CDK13: variants seen among roughly 807,000 people sequenced by gnomAD.
The protein encoded by CDK13 is cyclin-dependent kinase 13.
Under a neutral mutation model 137.6 loss-of-function variants are expected in CDK13, and 40 were observed. The ratio of observed to expected loss-of-function variants is 0.29; its 90% confidence interval spans 0.23 to 0.38. CDK13 has a LOEUF of 0.38. CDK13 is among the 10% of genes least tolerant of loss of function. The pLI is 1.00. For missense variants in CDK13, 1,704 were observed against 1,951.8 expected, an observed-to-expected ratio of 0.87 and a Z score of 2.39; for synonymous variants, 869 against 760.1, an observed-to-expected ratio of 1.14 and a Z score of -2.36.
chr7:39,965,446 CTTTT>C (rs1355921739), intron 1 of CDK13, among the ~76,000 whole-genome samples: 1 of 152,024 alleles, frequency 6.6e-6, no homozygotes, highest in African/African-American at 2.4e-5. Context: ...CGACCACTGC[CTTTT>C]TTTGTTTTCC....
chr7:40,006,692 G>C (rs1784801934), intron 5 of CDK13, among the ~76,000 whole-genome samples: 1 of 152,174 alleles, frequency 6.6e-6, no homozygotes, highest in South Asian at 2.1e-4. Flanking sequence ...TGAGGCAGGA[G>C]AATCGCTTGA....
intron 1 of CDK13, among the ~76,000 whole-genome samples, chr7:39,975,112 C>G (rs990790171): frequency 6.6e-6 from 1 of 151,926 alleles, no homozygotes; most frequent in African/African-American, 2.4e-5. Flanking sequence ...GTCTTAAGCT[C>G]TGGTGTAAAA....
intron 1 of CDK13, among the ~76,000 whole-genome samples, chr7:39,957,778 A>C (rs1787465011): frequency 6.6e-6 from 1 of 152,206 alleles, no homozygotes; most frequent in Admixed American, 6.5e-5. Flanking sequence ...AAATTTTCTG[A>C]GCAGACATTA....
At chr7:40,014,155 G>A (rs984044796) in intron 5 of CDK13, among the ~76,000 whole-genome samples, 3 of 134,670 alleles carry the variant, frequency 2.2e-5, no homozygotes, top group Admixed American at 8.5e-5. Flanking sequence ...TGCAGTCTCC[G>A]ACTCCCGGGT....
At chr7:40,079,325 A>T (rs17496663) in intron 11 of CDK13, among the ~76,000 whole-genome samples, 4,543 of 152,208 alleles carry the variant, frequency 0.03, 210 homozygotes, top group African/African-American at 0.1. Flanking sequence ...AGGCTGAGGC[A>T]GGAGAATCGC....
intron 11 of CDK13, among the ~76,000 whole-genome samples, chr7:40,082,919 G>A (rs1319742736): frequency 4.6e-5 from 7 of 151,270 alleles, no homozygotes; most frequent in Admixed American, 4.6e-4. Flanking sequence ...TGGGCAACAT[G>A]GTAAAATCCT....
intron 12 of CDK13, among the ~76,000 whole-genome samples, chr7:40,090,200 G>C: frequency 6.6e-6 from 1 of 152,126 alleles, no homozygotes; most frequent in Non-Finnish European, 1.5e-5. Flanking sequence ...TCCTCTTCAT[G>C]GAACTGATGT....
intron 5 of CDK13, among the ~76,000 whole-genome samples, chr7:40,044,448 A>G (rs1785688159): frequency 6.6e-6 from 1 of 151,042 alleles, no homozygotes; most frequent in African/African-American, 2.4e-5. Flanking sequence ...TCCCCCGAGT[A>G]GCTGGGATTA....
intron 1 of CDK13, chr7:39,952,974 A>G (rs1316503983): frequency 1.3e-5 from 2 of 152,202 alleles, no homozygotes; most frequent in Admixed American, 1.3e-4. Flanking sequence ...CTTATAGTGT[A>G]GAGTATTGCA....
chr7:40,085,147 G>T (rs1786760345), intron 11 of CDK13, among the ~76,000 whole-genome samples: 1 of 152,122 alleles, frequency 6.6e-6, no homozygotes. Flanking sequence ...GATCACCTGA[G>T]GTCAGGAGTT....
chr7:39,954,760 C>G (rs926697473), intron 1 of CDK13, among the ~76,000 whole-genome samples: 15 of 152,068 alleles, frequency 9.9e-5, no homozygotes, highest in Non-Finnish European at 2.1e-4. Context: ...GTATTGAAAT[C>G]GTGGTATGAA....
At chr7:40,064,739 G>A (rs1487564215) in intron 9 of CDK13, among the ~76,000 whole-genome samples, 1 of 151,198 alleles carries the variant, frequency 6.6e-6, no homozygotes, top group Admixed American at 6.6e-5. Flanking sequence ...AAGAAGAAGG[G>A]AAGGGAAGGA....
intron 10 of CDK13, 107 bp downstream of exon 10, chr7:40,078,228 T>G: frequency 1.9e-6 from 1 of 530,066 alleles, no homozygotes; most frequent in Non-Finnish European, 3.3e-6. Context: ...AAACCTATAA[T>G]TCTTCTAGGG....
At position 39,951,137 on chromosome 7, in the gene CDK13, A is replaced by G. The variant is rs2116055834; in HGVS notation, c.496A>G (p.Thr166Ala). The G allele has an allele frequency of 8.1e-7, 1 of 1,242,190 alleles. No homozygotes were observed. Among genetic ancestry groups the G allele is most frequent in the East Asian group, 3.2e-5 (1 of 31,652 alleles). The allele number at this position is 1,242,190 out of a possible 1,614,324, so 76.9% of individuals were successfully genotyped here. A position where few individuals can be genotyped will look rare whatever the true frequency, so the allele number is the denominator to read the frequency against. Residue 166 changes from threonine to alanine, a missense_variant, in exon 1 of 14, where the codon ACG becomes GCG. Thr to Ala is a moderately conservative substitution (Grantham distance 58). This residue lies in a region of CDK13 where 1,051 missense variants were observed against 931.0 expected (regional missense o/e 1.13). Coordinates refer to ENST00000181839, the MANE Select transcript of CDK13 (RefSeq NM_003718.5). ...GCTGCTGGGGGGGGCCAGCGCGGCA[A>G]CGGCGGCGACGGCTGCCGGGGGAAC... ...GLLLGGASAA[T>A]AATAAGGTGG...
At chr7:39,983,765 G>A (rs17171639) in intron 1 of CDK13, among the ~76,000 whole-genome samples, 21,678 of 152,102 alleles carry the variant, frequency 0.14, 5,111 homozygotes, top group African/African-American at 0.49. Context: ...AAAATCTGAA[G>A]GGAGAGGAAA....
At chr7:40,082,486 CAAAAAA>C (rs70996879) in intron 11 of CDK13, among the ~76,000 whole-genome samples, 1 of 74,882 alleles carries the variant, frequency 1.3e-5, no homozygotes, top group Admixed American at 2.5e-4. Context: ...ACTCCATTTC[CAAAAAA>C]AAAAAAAAAA....
chr7:39,950,860 C>T lies in CDK13; in HGVS notation c.219C>T (p.Ala73=). Residue 73 remains alanine, a synonymous_variant, in exon 1 of 14, where the codon GCC becomes GCT. Transcript: ENST00000181839. The part of the protein sequence containing the change: ...APGTAAAAAA[A]AAASSSCFSP... The stretch of plus-strand genomic sequence containing the variant: ...GCACGGCCGCCGCCGCAGCCGCCGC[C>T]GCCGCGGCCTCCTCCTCTTGCTTCA... The T allele has an allele frequency of 2.9e-6, 4 of 1,370,358 alleles. No individual in the cohort carries two copies. The highest frequency in any genetic ancestry group is 2.8e-6 in the Non-Finnish European group (3 of 1,072,986). The allele number at this position is 1,370,358 out of a possible 1,614,324, so 84.9% of individuals were successfully genotyped here. A position where few individuals can be genotyped will look rare whatever the true frequency, so the allele number is the denominator to read the frequency against.
intron 5 of CDK13, among the ~76,000 whole-genome samples, chr7:40,008,058 G>A (rs1402400429): frequency 1.3e-5 from 2 of 152,100 alleles, no homozygotes; most frequent in African/African-American, 4.8e-5. Flanking sequence ...GTTTTTCTAG[G>A]TCTGAATTTA....
At chr7:40,038,059 TCTAAA>T (rs1159119215) in intron 5 of CDK13, among the ~76,000 whole-genome samples, 1 of 152,210 alleles carries the variant, frequency 6.6e-6, no homozygotes, top group Non-Finnish European at 1.5e-5. Context: ...GGTTTCAAAC[TCTAAA>T]CTATAAAACA....
Sources: gnomAD v4.1 joint callset for allele counts (sites outside exome capture counted in the v4.1 genomes callset) on GRCh38, gnomAD v4.1.1 for gene constraint, gnomAD v4.1.1 regional missense constraint, MANE v1.5 for transcripts, NCBI Gene and HGNC (gene_info 2026-07-23, HGNC 2026-07-21) for gene names.